The following TIAM2 variants were observed in gnomAD, a reference collection of about 807,000 sequenced individuals.
TIAM2 encodes rho guanine nucleotide exchange factor TIAM2.
A neutral mutation model predicts 152.9 loss-of-function variants in TIAM2; 80 were observed. That is an observed-to-expected ratio of 0.52 (90% CI 0.44 to 0.63). The LOEUF (loss-of-function observed/expected upper bound fraction) is 0.63, where lower values mean the gene tolerates loss of function less well. Ranked by LOEUF, TIAM2 falls within the 30% of genes least tolerant of loss-of-function variation. The pLI is 0.00. For synonymous variants in TIAM2, 804 were observed against 838.0 expected (o/e 0.96, Z 0.70); for missense variants, 1,965 against 2,120.1 (o/e 0.93, Z 1.44).
rs374985070 is a variant in TIAM2 at position 155,248,038 on chromosome 6, C to T, written c.3691C>T (p.Arg1231Trp). 49 of 1,614,076 alleles carry T rather than the reference C, an allele frequency of 3.0e-5. No homozygotes were observed. The highest frequency in any genetic ancestry group is 1.5e-4 in the African/African-American group (11 of 74,938). ...DKAFKAFLDARNPTKQHSSTL... is the reference protein window; with the variant it reads ...DKAFKAFLDAWNPTKQHSSTL... Reference sequence around the variant, plus strand: ...AGCCTTCAAGGCTTTTCTGGACGCCCGGAACCCCACCAAGCAGCATTCCTC... The same window carrying T: ...AGCCTTCAAGGCTTTTCTGGACGCCTGGAACCCCACCAAGCAGCATTCCTC... The change falls in exon 20 of 27, where the codon CGG becomes TGG. Residue 1231 changes from arginine (R) to tryptophan (W), a missense_variant. This residue lies in a region of TIAM2 where 935 missense variants were observed against 980.0 expected (regional missense o/e 0.95). Transcript: ENST00000682666.
chr6:155,074,597 C>G lies in TIAM2; in HGVS notation c.-208-15692C>G, dbSNP rs377526060. On this transcript the variant is annotated intron_variant, in intron 1 of 26. Transcript: ENST00000682666. ...TCCTGACCTCACGTGATCCGCCTGC[C>G]TTGGCCTCCCAAAGTGCTGGGATTA... 1.3e-4 allele frequency among the ~76,000 whole-genome samples: 20 copies of G among 152,282 alleles called. No homozygotes were observed. The South Asian group carries it at 4.2e-3, about 32-fold the overall frequency.
chr6:155,164,533 C>T lies in TIAM2; in HGVS notation c.2147C>T (p.Ala716Val), dbSNP rs768317257. ...LPNPKSLLAA[A>V]SRPSKLALGR... ...AACCCAAAGAGTCTCCTTGCAGCCG[C>T]CAGCCGCCCCTCCAAGCTGGCCCTC... Residue 716 changes from alanine (A) to valine (V), a missense_variant, in exon 8 of 27, where the codon GCC becomes GTC. Ala to Val is a moderately conservative substitution (Grantham distance 64). Around this residue, in one of 3 missense-constraint regions of TIAM2, gnomAD observed 1,025 missense variants for 1,119.4 expected, o/e 0.92. Transcript: ENST00000682666. 4 of 1,614,124 alleles carry T rather than the reference C, an allele frequency of 2.5e-6. 1 individual carries two copies. In the South Asian group the frequency reaches 4.4e-5, roughly 18 times the overall value.
At chr6:155,131,316 C>T (rs1362957195) in intron 4 of TIAM2, among the ~76,000 whole-genome samples, 1 of 149,918 alleles carries the variant, frequency 6.7e-6, no homozygotes, top group Non-Finnish European at 1.5e-5. Flanking sequence ...GCTGAGATCA[C>T]ACCTGGGCAA....
At chr6:155,100,850 A>C (rs1778535284) in intron 2 of TIAM2, among the ~76,000 whole-genome samples, 1 of 152,184 alleles carries the variant, frequency 6.6e-6, no homozygotes, top group Non-Finnish European at 1.5e-5. Flanking sequence ...AGTGTCACAT[A>C]CGAAACTGAG....
At chr6:155,007,821 G>A (rs1310848838) in intron 1 of TIAM2, among the ~76,000 whole-genome samples, 1 of 152,190 alleles carries the variant, frequency 6.6e-6, no homozygotes, top group Admixed American at 6.5e-5. Context: ...AAACGTGTGA[G>A]GAAATTGAGC....
Position 155,129,707 on chromosome 6 carries a change from C to T in TIAM2, c.484C>T (p.Leu162Phe), listed in dbSNP as rs1335644792. Residue 162 changes from leucine (L) to phenylalanine (F), a missense_variant, in exon 4 of 27, where the codon CTC becomes TTC. Coordinates refer to ENST00000682666, the MANE Select transcript of TIAM2 (RefSeq NM_012454.4). This position sits in a 1 kb window ranked among gnomAD's most constrained non-coding sequence, Gnocchi z 4.8. The stretch of plus-strand genomic sequence containing the variant: ...CGAAGACCGCAAGAGCCCCCGAGTG[C>T]TCATCAAAACGCTGGGGAAGCTGGA... ...PGEDRKSPRV[L>F]IKTLGKLDGC... 3 of 1,613,988 alleles carry T rather than the reference C, an allele frequency of 1.9e-6. No individual in the cohort carries two copies. The East Asian group carries it at 6.7e-5, about 36-fold the overall frequency.
intron 6 of TIAM2, 98 bp downstream of exon 6, chr6:155,144,876 A>G: frequency 7.3e-7 from 1 of 1,370,584 alleles, no homozygotes; most frequent in Non-Finnish European, 9.9e-7. Context: ...TTGAATAAAT[A>G]CTTAGTTAGG....
At chr6:155,001,827 T>A (rs1778316574) in intron 1 of TIAM2, among the ~76,000 whole-genome samples, 1 of 152,234 alleles carries the variant, frequency 6.6e-6, no homozygotes, top group African/African-American at 2.4e-5. Context: ...TTGGGAACAG[T>A]ATGTAAAACT....
rs756655114 is a variant in TIAM2 at position 155,251,938 on chromosome 6, T to C, written c.4061-7T>C. On this transcript the variant is annotated splice_polypyrimidine_tract_variant and splice_region_variant and intron_variant, in intron 22 of 26. Coordinates refer to ENST00000682666, the MANE Select transcript of TIAM2 (RefSeq NM_012454.4). Reference sequence around the variant, plus strand: ...TAAAGACTTTCTTTCTCTTTTCCTTTCTTTAGTTTTTAAGAGAGCCGTCAT... The same window carrying C: ...TAAAGACTTTCTTTCTCTTTTCCTTCCTTTAGTTTTTAAGAGAGCCGTCAT... 1 of 1,598,960 alleles carries C rather than the reference T, an allele frequency of 6.3e-7. No individual in the cohort carries two copies. Among genetic ancestry groups the C allele is most frequent in the Non-Finnish European group, 8.5e-7 (1 of 1,171,914 alleles).
At chr6:155,036,049 G>C (rs1297962970) in intron 1 of TIAM2, among the ~76,000 whole-genome samples, 1 of 152,162 alleles carries the variant, frequency 6.6e-6, no homozygotes, top group African/African-American at 2.4e-5. Flanking sequence ...CCTGTGTACA[G>C]AGTATGTATC....
At chr6:155,189,669 C>G (rs181684324) in intron 14 of TIAM2, among the ~76,000 whole-genome samples, 166 of 152,198 alleles carry the variant, frequency 1.1e-3, no homozygotes, top group African/African-American at 3.7e-3. Context: ...CACATTATTT[C>G]ATACTCTCAA....
intron 2 of TIAM2, among the ~76,000 whole-genome samples, chr6:155,117,405 A>G (rs1231971432): frequency 6.6e-6 from 1 of 152,074 alleles, no homozygotes; most frequent in Non-Finnish European, 1.5e-5. Flanking sequence ...CGGTTTCACC[A>G]TCTCTCTCAT....
chr6:155,222,925 T>C (rs12717192), intron 15 of TIAM2, among the ~76,000 whole-genome samples: 35,753 of 152,168 alleles, frequency 0.23, 5,077 homozygotes, highest in East Asian at 0.52. Flanking sequence ...TGCATTTCAT[T>C]GAAGCTAAAA....
chr6:155,136,273 T>C (rs1042918852), intron 4 of TIAM2, among the ~76,000 whole-genome samples: 30 of 151,630 alleles, frequency 2.0e-4, no homozygotes, highest in Middle Eastern at 3.2e-3. Context: ...CTAAGTGTAT[T>C]ATTATTGTTA....
At chr6:155,196,215 C>A (rs1781343627) in intron 14 of TIAM2, among the ~76,000 whole-genome samples, 1 of 152,012 alleles carries the variant, frequency 6.6e-6, no homozygotes, top group South Asian at 2.1e-4. Context: ...TCAGAGGTGA[C>A]CCCCAGGTTT....
chr6:155,077,786 A>C (rs1459602207), intron 1 of TIAM2, among the ~76,000 whole-genome samples: 1 of 151,894 alleles, frequency 6.6e-6, no homozygotes, highest in Non-Finnish European at 1.5e-5. Context: ...TGCAGGGGGG[A>C]AATTAGCTGT....
chr6:155,044,581 C>G (rs1315778486), intron 1 of TIAM2, among the ~76,000 whole-genome samples: 2 of 152,130 alleles, frequency 1.3e-5, no homozygotes, highest in African/African-American at 2.4e-5. Context: ...CTTTGGGAGG[C>G]AGAGGTGGGT....
At chr6:155,048,498 C>G (rs1365892219) in intron 1 of TIAM2, among the ~76,000 whole-genome samples, 3 of 152,020 alleles carry the variant, frequency 2.0e-5, no homozygotes, top group Non-Finnish European at 2.9e-5. Context: ...AACGAGTAAA[C>G]AAGGCTGCAA....
At chr6:155,190,758 C>T (rs773372733) in intron 14 of TIAM2, among the ~76,000 whole-genome samples, 10 of 151,948 alleles carry the variant, frequency 6.6e-5, no homozygotes, top group Non-Finnish European at 1.5e-4. Context: ...TAGAGTGAGC[C>T]GGCTCTCTGT....
Sources: allele counts gnomAD v4.1 joint callset (sites outside exome capture counted in the v4.1 genomes callset), GRCh38; gene constraint gnomAD v4.1.1; regional missense constraint gnomAD v4.1.1; non-coding constraint Gnocchi (gnomAD v3.1); transcripts MANE v1.5; gene names NCBI Gene and HGNC (gene_info 2026-07-23, HGNC 2026-07-21).